RSRC1: variants seen among roughly 807,000 people sequenced by gnomAD.
RSRC1 encodes the protein serine/Arginine-related protein 53.
In RSRC1, 39 loss-of-function variants were observed where a neutral mutation model predicts 49.1. That is an observed-to-expected ratio of 0.79 (90% CI 0.61 to 1.04). The LOEUF is 1.04. Among genes scored for constraint, RSRC1 ranks in the 50% least tolerant of loss-of-function variants. The pLI is 0.00. For missense variants in RSRC1, 388 were observed against 402.4 expected (o/e 0.96, Z 0.31); for synonymous variants, 143 against 130.8 (o/e 1.09, Z -0.63).
chr3:158,452,812 C>G (rs570561268), intron 6 of RSRC1, among the ~76,000 whole-genome samples: 1 of 152,190 alleles, frequency 6.6e-6, no homozygotes, highest in African/African-American at 2.4e-5. Context: ...TATTGGAGTT[C>G]ATGTGTATTT....
chr3:158,159,984 T>C (rs1578146883), intron 3 of RSRC1, among the ~76,000 whole-genome samples: 1 of 152,260 alleles, frequency 6.6e-6, no homozygotes, highest in East Asian at 1.9e-4. Flanking sequence ...TATCTCTCTA[T>C]TGCAAACTGT....
intron 6 of RSRC1, among the ~76,000 whole-genome samples, chr3:158,431,367 C>A (rs1199494264): frequency 6.6e-6 from 1 of 151,748 alleles, no homozygotes; most frequent in African/African-American, 2.4e-5. Flanking sequence ...ACTCAAAGAA[C>A]AAAGCATTTG....
chr3:158,531,114 T>C (rs1054546862), intron 7 of RSRC1, among the ~76,000 whole-genome samples: 5 of 150,724 alleles, frequency 3.3e-5, no homozygotes, highest in Non-Finnish European at 5.9e-5. Context: ...CACACTCCAC[T>C]AAGTTCTGGA....
intron 7 of RSRC1, among the ~76,000 whole-genome samples, chr3:158,535,656 C>T (rs1170018904): frequency 4.0e-5 from 6 of 151,214 alleles, no homozygotes; most frequent in Admixed American, 4.0e-4. Context: ...ATTATTAAGC[C>T]ATAACTACTG....
intron 6 of RSRC1, among the ~76,000 whole-genome samples, chr3:158,365,627 TAGG>T (rs1263732332): frequency 6.6e-6 from 1 of 152,218 alleles, no homozygotes; most frequent in Non-Finnish European, 1.5e-5. Flanking sequence ...TGTGTCTTTA[TAGG>T]AGAATGATTT....
intron 3 of RSRC1, among the ~76,000 whole-genome samples, chr3:158,183,856 C>T (rs1056047024): frequency 1.4e-4 from 21 of 152,058 alleles, no homozygotes; most frequent in African/African-American, 5.1e-4. Flanking sequence ...TTTGAAGCTG[C>T]AGTGATCATG....
At chr3:158,181,236 A>G (rs1322307576) in intron 3 of RSRC1, among the ~76,000 whole-genome samples, 1 of 152,214 alleles carries the variant, frequency 6.6e-6, no homozygotes, top group Non-Finnish European at 1.5e-5. Context: ...TGTGCTAGCA[A>G]CTAGATGTTA....
intron 7 of RSRC1, among the ~76,000 whole-genome samples, chr3:158,510,915 A>G (rs1183391360): frequency 1.3e-5 from 2 of 152,182 alleles, no homozygotes; most frequent in African/African-American, 4.8e-5. Context: ...AAATTGACCA[A>G]CTACAATGGT....
intron 5 of RSRC1, among the ~76,000 whole-genome samples, chr3:158,352,159 C>T (rs1007770820): frequency 6.6e-6 from 1 of 151,874 alleles, no homozygotes; most frequent in African/African-American, 2.4e-5. Flanking sequence ...GTAGTCCTAG[C>T]TACTCAGGGA....
At chr3:158,480,804 C>A (rs924532823) in intron 7 of RSRC1, among the ~76,000 whole-genome samples, 1 of 152,006 alleles carries the variant, frequency 6.6e-6, no homozygotes, top group African/African-American at 2.4e-5. Context: ...GCATCACTGG[C>A]ATGTCTTTAA....
intron 6 of RSRC1, among the ~76,000 whole-genome samples, chr3:158,435,754 G>A (rs1736010394): frequency 6.6e-6 from 1 of 151,582 alleles, no homozygotes; most frequent in Non-Finnish European, 1.5e-5. Context: ...TTATACATGA[G>A]TGCAGATATA....
intron 7 of RSRC1, among the ~76,000 whole-genome samples, chr3:158,492,710 T>C (rs1356767567): frequency 6.6e-6 from 1 of 152,228 alleles, no homozygotes; most frequent in Non-Finnish European, 1.5e-5. Flanking sequence ...ATTTCCTCTT[T>C]TTCCTATTTA....
chr3:158,360,909 G>A (rs1731430584), intron 6 of RSRC1, among the ~76,000 whole-genome samples: 1 of 152,178 alleles, frequency 6.6e-6, no homozygotes, highest in Non-Finnish European at 1.5e-5. Flanking sequence ...TCAGCTCCAT[G>A]GAGCATGCAG....
At chr3:158,334,726 G>A (rs1410095586) in intron 5 of RSRC1, among the ~76,000 whole-genome samples, 1 of 150,398 alleles carries the variant, frequency 6.6e-6, no homozygotes, top group Non-Finnish European at 1.5e-5. Context: ...TCACCATGTT[G>A]TCCAGGATGG....
At chr3:158,177,307 A>T (rs1319225029) in intron 3 of RSRC1, among the ~76,000 whole-genome samples, 1 of 152,226 alleles carries the variant, frequency 6.6e-6, no homozygotes. Flanking sequence ...TACCCAAAGG[A>T]TTATAAATCA....
chr3:158,504,759 A>G (rs937742351), intron 7 of RSRC1, among the ~76,000 whole-genome samples: 1 of 152,230 alleles, frequency 6.6e-6, no homozygotes, highest in Non-Finnish European at 1.5e-5. Context: ...TAAATACAAA[A>G]TCTTGATTAT....
At chr3:158,455,531 G>A (rs1206064107) in intron 6 of RSRC1, among the ~76,000 whole-genome samples, 1 of 152,108 alleles carries the variant, frequency 6.6e-6, no homozygotes, top group Non-Finnish European at 1.5e-5. Flanking sequence ...AATTGGTAAA[G>A]ATGTGAATAA....
At chr3:158,278,175 A>C (rs1159477063) in intron 4 of RSRC1, among the ~76,000 whole-genome samples, 1 of 152,234 alleles carries the variant, frequency 6.6e-6, no homozygotes, top group East Asian at 1.9e-4. Context: ...AACAACGGAC[A>C]AGTCCACAAG....
At chr3:158,365,832 T>C (rs1035043481) in intron 6 of RSRC1, among the ~76,000 whole-genome samples, 6 of 152,340 alleles carry the variant, frequency 3.9e-5, no homozygotes, top group Admixed American at 6.5e-5. Context: ...TTTTTAATGA[T>C]GGCCATTCTA....
Sources: gnomAD v4.1 joint callset for allele counts (sites outside exome capture counted in the v4.1 genomes callset) on GRCh38, gnomAD v4.1.1 for gene constraint, MANE v1.5 for transcripts, NCBI Gene and HGNC (gene_info 2026-07-23, HGNC 2026-07-21) for gene names.